Variants in OSBPL10 observed in about 807,000 individuals in gnomAD.
OSBPL10 encodes oxysterol binding protein like 10, also known as oxysterol-binding protein-related protein 10.
In OSBPL10, 49 loss-of-function variants were observed where a neutral mutation model predicts 81.7. The ratio of observed to expected loss-of-function variants is 0.60; its 90% CI spans 0.48 to 0.76. The LOEUF (loss-of-function observed/expected upper bound fraction) is 0.76, where lower values mean the gene tolerates loss of function less well. Ranked by LOEUF, OSBPL10 falls within the 30% of genes least tolerant of loss-of-function variation. The probability of loss-of-function intolerance (pLI) is 0.00; values close to 1 mark genes in which losing one functional copy is unlikely to be tolerated. For synonymous variants in OSBPL10, 419 were observed against 383.6 expected, an observed-to-expected ratio of 1.09 and a Z score of -1.08; for missense variants, 923 against 987.8, an observed-to-expected ratio of 0.93 and a Z score of 0.88.
intron 4 of OSBPL10, among the ~76,000 whole-genome samples, chr3:31,775,905 G>A (rs982995966): frequency 6.6e-6 from 1 of 152,122 alleles, no homozygotes. Context: ...TTAGAGAACA[G>A]GTTGAGGATG....
chr3:31,963,293 C>T lies in OSBPL10; in HGVS notation c.281+17606G>A, dbSNP rs528677340. Among the ~76,000 whole-genome samples, 3 of 151,974 alleles carry T rather than the reference C, an allele frequency of 2.0e-5. No individual in the cohort carries two copies. The East Asian group carries it at 5.8e-4, about 29-fold the overall frequency. On this transcript the variant is annotated intron_variant, in intron 1 of 11. Transcript: ENST00000396556. ...CCCTTCTCCTTATATAAAGTGTTTC[C>T]TCAACCATCTGAGAATGAGTTGTAG...
intron 6 of OSBPL10, among the ~76,000 whole-genome samples, chr3:31,725,374 A>G (rs970601131): frequency 2.6e-5 from 4 of 152,118 alleles, no homozygotes; most frequent in Non-Finnish European, 4.4e-5. Flanking sequence ...ACATTTGCCT[A>G]AAGGATGAAC....
chr3:31,825,024 G>A (rs779475425), intron 4 of OSBPL10, among the ~76,000 whole-genome samples: 50 of 152,120 alleles, frequency 3.3e-4, no homozygotes, highest in Non-Finnish European at 6.2e-4. Context: ...GGACAAGAAG[G>A]GGCACTGAGG....
chr3:31,709,162 G>A, intron 6 of OSBPL10: 1 of 447,968 alleles, frequency 2.2e-6, no homozygotes, highest in Non-Finnish European at 3.0e-6. Context: ...CAGCAAGCTA[G>A]TCCCAGCTGC....
intron 3 of OSBPL10, among the ~76,000 whole-genome samples, chr3:31,834,634 C>G (rs1486623824): frequency 6.6e-6 from 1 of 152,282 alleles, no homozygotes; most frequent in East Asian, 1.9e-4. Flanking sequence ...AATCTACTGG[C>G]CAAAACTGCC....
intron 6 of OSBPL10, chr3:31,704,514 T>A: frequency 6.6e-6 from 1 of 152,338 alleles, no homozygotes; most frequent in Non-Finnish European, 1.5e-5. Flanking sequence ...CACCATGGTG[T>A]ACCCAACAGG....
chr3:31,741,515 G>A (rs921579909), intron 5 of OSBPL10, among the ~76,000 whole-genome samples: 8 of 152,162 alleles, frequency 5.3e-5, no homozygotes, highest in Non-Finnish European at 7.3e-5. Context: ...CATCCACCTT[G>A]GCCTCCTGAA....
intron 2 of OSBPL10, among the ~76,000 whole-genome samples, chr3:31,999,429 C>T (rs904106195): frequency 4.8e-5 from 7 of 146,528 alleles, no homozygotes; most frequent in African/African-American, 7.7e-5. Flanking sequence ...GGCACAATCT[C>T]GGCTCACCAC....
intron 2 of OSBPL10, among the ~76,000 whole-genome samples, chr3:32,013,067 T>C (rs907323228): frequency 3.9e-5 from 6 of 152,250 alleles, no homozygotes; most frequent in Admixed American, 1.3e-4. Context: ...TATCCAGGAA[T>C]TGAACTCAGC....
intron 2 of OSBPL10, among the ~76,000 whole-genome samples, chr3:32,038,812 G>A (rs1474751603): frequency 6.6e-6 from 1 of 152,090 alleles, no homozygotes; most frequent in Non-Finnish European, 1.5e-5. Context: ...CACTCAGCAT[G>A]GATGAATTTT....
chr3:31,849,618 G>C (rs1180472499), intron 3 of OSBPL10, among the ~76,000 whole-genome samples: 1 of 152,044 alleles, frequency 6.6e-6, no homozygotes, highest in Non-Finnish European at 1.5e-5. Context: ...CCAAGAGATT[G>C]CTATAACGTT....
At chr3:32,032,502 A>ATATATTTTGTTTTTAGGACTAAGTTCCT in intron 2 of OSBPL10, among the ~76,000 whole-genome samples, 1 of 152,132 alleles carries the variant, frequency 6.6e-6, no homozygotes, top group East Asian at 1.9e-4. Context: ...ATGGCAATCT[A>ATATATTTTGTTTTTAGGACTAAGTTCCT]TATATTTTGT....
chr3:31,809,105 C>G (rs1423124564), intron 4 of OSBPL10, among the ~76,000 whole-genome samples: 1 of 152,066 alleles, frequency 6.6e-6, no homozygotes, highest in Non-Finnish European at 1.5e-5. Flanking sequence ...ACATACTAGC[C>G]AACAAAATTA....
At chr3:31,724,512 G>A (rs139653826) in intron 6 of OSBPL10, among the ~76,000 whole-genome samples, 91 of 152,012 alleles carry the variant, frequency 6.0e-4, no homozygotes, top group Non-Finnish European at 1.1e-3. Flanking sequence ...GCATGATTTC[G>A]GACCTTCCAC....
At chr3:31,974,728 G>A (rs572182739) in intron 1 of OSBPL10, among the ~76,000 whole-genome samples, 1 of 152,302 alleles carries the variant, frequency 6.6e-6, no homozygotes, top group African/African-American at 2.4e-5. Context: ...TATGCGGGGA[G>A]ATACTATGAG....
chr3:31,857,818 G>GGT (rs1700961004), intron 3 of OSBPL10, among the ~76,000 whole-genome samples: 1 of 117,162 alleles, frequency 8.5e-6, no homozygotes, highest in Non-Finnish European at 1.6e-5. Context: ...GAGAGAGAAA[G>GGT]GGAGAGGGAG....
intron 4 of OSBPL10, among the ~76,000 whole-genome samples, chr3:31,801,902 A>C (rs1354922515): frequency 4.0e-5 from 6 of 151,788 alleles, no homozygotes; most frequent in Admixed American, 3.3e-4. Flanking sequence ...AGCTCACCAC[A>C]ACCTCTGCCT....
intron 1 of OSBPL10, among the ~76,000 whole-genome samples, chr3:31,966,153 A>ATGTCTGTGTGTGTG (rs1472350138): frequency 3.6e-4 from 48 of 134,894 alleles, no homozygotes; most frequent in African/African-American, 1.2e-3. Context: ...CAACAAAATT[A>ATGTCTGTGTGTGTG]TGTGTGTGTG....
intron 1 of OSBPL10, among the ~76,000 whole-genome samples, chr3:31,965,085 A>G (rs991438738): frequency 6.6e-6 from 1 of 152,064 alleles, no homozygotes; most frequent in African/African-American, 2.4e-5. Flanking sequence ...ATGTCATAAA[A>G]CAACCCTTAA....
Sources: gnomAD v4.1 joint callset for allele counts (sites outside exome capture counted in the v4.1 genomes callset) on GRCh38, gnomAD v4.1.1 for gene constraint, MANE v1.5 for transcripts, NCBI Gene and HGNC (gene_info 2026-07-23, HGNC 2026-07-21) for gene names.